NAALADL2: variants seen among roughly 807,000 people sequenced by gnomAD.
NAALADL2 encodes the protein N-acetylated alpha-linked acidic dipeptidase like 2.
NAALADL2 carries 76 observed loss-of-function variants against 87.2 expected under a neutral mutation model. The observed-to-expected ratio is 0.87, with a 90% CI of 0.72 to 1.05. The LOEUF is 1.05. Ranked by LOEUF, NAALADL2 falls within the 50% of genes least tolerant of loss-of-function variation. The probability of loss-of-function intolerance (pLI) is 0.00; values close to 1 mark genes in which losing one functional copy is unlikely to be tolerated. For missense variants in NAALADL2, 1,089 were observed against 945.8 expected, an observed-to-expected ratio of 1.15 and a Z score of -1.99; for synonymous variants, 354 against 331.0, an observed-to-expected ratio of 1.07 and a Z score of -0.75.
At chr3:175,521,280 G>A (rs2149419418) in intron 9 of NAALADL2, among the ~76,000 whole-genome samples, 1 of 151,782 alleles carries the variant, frequency 6.6e-6, no homozygotes, top group South Asian at 2.1e-4. Context: ...TTTAACTTGA[G>A]ACAAAAGAAA....
intron 2 of NAALADL2, among the ~76,000 whole-genome samples, chr3:175,170,480 AATAT>A (rs1400159523): frequency 6.8e-6 from 1 of 146,914 alleles, no homozygotes; most frequent in Non-Finnish European, 1.5e-5. Flanking sequence ...AATATAATAT[AATAT>A]ATAAATATAA....
chr3:175,023,066 T>C (rs1237371957), intron 1 of NAALADL2, among the ~76,000 whole-genome samples: 1 of 152,130 alleles, frequency 6.6e-6, no homozygotes, highest in Non-Finnish European at 1.5e-5. Flanking sequence ...GAAGTCATTA[T>C]TTGCATCTGA....
At chr3:174,677,585 A>G (rs1727153992) in intron 2 of NAALADL2, among the ~76,000 whole-genome samples, 2 of 152,148 alleles carry the variant, frequency 1.3e-5, no homozygotes, top group Admixed American at 1.3e-4. Context: ...TGCCTAGAAG[A>G]AATACAGCAT....
intron 2 of NAALADL2, among the ~76,000 whole-genome samples, chr3:175,111,629 C>T (rs1724213706): frequency 6.6e-6 from 1 of 151,556 alleles, no homozygotes; most frequent in African/African-American, 2.4e-5. Context: ...GTTAGTTGTA[C>T]CCTAAAGCAA....
At chr3:175,400,863 CTA>C (rs1770474888) in intron 5 of NAALADL2, among the ~76,000 whole-genome samples, 1 of 152,086 alleles carries the variant, frequency 6.6e-6, no homozygotes, top group Non-Finnish European at 1.5e-5. Context: ...CTCCAAGCAG[CTA>C]TTATCAATCA....
intron 6 of NAALADL2, among the ~76,000 whole-genome samples, chr3:175,453,839 A>G (rs1407672581): frequency 6.6e-6 from 1 of 152,136 alleles, no homozygotes; most frequent in Non-Finnish European, 1.5e-5. Flanking sequence ...CCTACTGTGA[A>G]TATAAATTTG....
chr3:174,871,170 T>G (rs1013380190), intron 1 of NAALADL2, among the ~76,000 whole-genome samples: 1 of 152,198 alleles, frequency 6.6e-6, no homozygotes, highest in Non-Finnish European at 1.5e-5. Flanking sequence ...TTAAAGAGGT[T>G]TTTAAACAAT....
At chr3:175,542,551 G>A (rs11713208) in intron 9 of NAALADL2, among the ~76,000 whole-genome samples, 14,566 of 152,114 alleles carry the variant, frequency 0.096, 819 homozygotes, top group South Asian at 0.19. Flanking sequence ...GTAGAGACGG[G>A]GTTTTGCCAT....
chr3:174,551,520 A>G (rs1253042196), intron 2 of NAALADL2, among the ~76,000 whole-genome samples: 1 of 152,228 alleles, frequency 6.6e-6, no homozygotes, highest in East Asian at 1.9e-4. Context: ...AATCAGGTGT[A>G]GCCTTACTAA....
At chr3:175,784,273 G>T (rs1384944270) in intron 13 of NAALADL2, among the ~76,000 whole-genome samples, 4 of 151,940 alleles carry the variant, frequency 2.6e-5, no homozygotes, top group Non-Finnish European at 4.4e-5. Context: ...GTTTCAGAAG[G>T]AATGGTAGCA....
chr3:174,935,733 G>A (rs905008208), intron 1 of NAALADL2, among the ~76,000 whole-genome samples: 6 of 151,936 alleles, frequency 3.9e-5, no homozygotes, highest in Admixed American at 6.6e-5. Flanking sequence ...TCAGAGCTAC[G>A]GATTAGCTAA....
intron 1 of NAALADL2, among the ~76,000 whole-genome samples, chr3:174,895,107 T>A (rs1039339164): frequency 6.6e-6 from 1 of 152,008 alleles, no homozygotes. Flanking sequence ...AATGTATTGG[T>A]GCATCTTAAA....
intron 4 of NAALADL2, among the ~76,000 whole-genome samples, chr3:175,268,335 G>A (rs4894484): frequency 0.28 from 42,189 of 151,794 alleles, 6,752 homozygotes; most frequent in South Asian, 0.52. Flanking sequence ...TATGATATAA[G>A]AGACAAAAAC....
chr3:175,281,852 T>A (rs1342590670), intron 4 of NAALADL2, among the ~76,000 whole-genome samples: 4 of 152,014 alleles, frequency 2.6e-5, no homozygotes, highest in Non-Finnish European at 4.4e-5. Context: ...AATGCTCAAC[T>A]TCTTCTCTGT....
intron 2 of NAALADL2, among the ~76,000 whole-genome samples, chr3:174,656,297 C>A (rs530719734): frequency 6.6e-6 from 1 of 152,220 alleles, no homozygotes; most frequent in South Asian, 2.1e-4. Flanking sequence ...AGAAACAGAA[C>A]TGAAGGATAG....
At chr3:174,906,462 C>G (rs2108280038) in intron 1 of NAALADL2, among the ~76,000 whole-genome samples, 1 of 152,216 alleles carries the variant, frequency 6.6e-6, no homozygotes. Flanking sequence ...CATGGGTGAT[C>G]TCTCTCACTT....
chr3:174,502,262 A>G (rs1718944206), intron 1 of NAALADL2, among the ~76,000 whole-genome samples: 1 of 152,206 alleles, frequency 6.6e-6, no homozygotes, highest in South Asian at 2.1e-4. Flanking sequence ...ATTTCAGGTT[A>G]ACCATGCTTA....
chr3:175,032,942 G>T (rs531323015), intron 1 of NAALADL2, among the ~76,000 whole-genome samples: 129 of 152,096 alleles, frequency 8.5e-4, no homozygotes, highest in Non-Finnish European at 1.7e-3. Context: ...CTCCTGTCAT[G>T]TTCATTTGTT....
chr3:174,830,457 T>G (rs371856139), intron 3 of NAALADL2, among the ~76,000 whole-genome samples: 10 of 152,148 alleles, frequency 6.6e-5, no homozygotes, highest in Middle Eastern at 3.4e-3. Context: ...GCTCTGTTCT[T>G]TTCCATTGAT....
Sources: allele counts gnomAD v4.1 joint callset (sites outside exome capture counted in the v4.1 genomes callset), GRCh38; gene constraint gnomAD v4.1.1; transcripts MANE v1.5; gene names NCBI Gene and HGNC (gene_info 2026-07-23, HGNC 2026-07-21).